SOX6: variants seen among roughly 807,000 people sequenced by gnomAD.
The protein encoded by SOX6 is transcription factor SOX-6.
SOX6 carries 11 observed loss-of-function variants against 97.8 expected under a neutral mutation model. The observed-to-expected ratio is 0.11, with a 90% CI of 0.07 to 0.19. SOX6 has a LOEUF of 0.19. SOX6 is among the 10% of genes least tolerant of loss of function. SOX6 has a pLI of 1.00. For missense variants in SOX6, 810 were observed against 1,039.5 expected (o/e 0.78, Z 3.04); for synonymous variants, 360 against 371.4 (o/e 0.97, Z 0.35).
chr11:16,065,336 A>G (rs1426489900), intron 9 of SOX6, among the ~76,000 whole-genome samples: 1 of 152,102 alleles, frequency 6.6e-6, no homozygotes, highest in Non-Finnish European at 1.5e-5. Context: ...GGAAAACTAT[A>G]AAATACTGAT....
Position 16,097,612 on chromosome 11 carries a change from G to A in SOX6, c.975C>T (p.Leu325=). Residue 325 remains leucine (L), a synonymous_variant, in exon 8 of 16, where the codon CTC becomes CTT. Transcript: ENST00000683767. ...AAASGLSPLQ[L]QKGHVSHPQI... is the part of the protein sequence containing the mutation. ...ATTTTTTTCTTCTGGCACTTACCTG[G>A]AGCTGTAAAGGGCTGAGTCCAGAAG... The A allele has an allele frequency of 1.2e-6, 2 of 1,610,906 alleles. No individual in the cohort carries two copies. Among genetic ancestry groups the A allele is most frequent in the African/African-American group, 1.3e-5 (1 of 74,816 alleles).
intron 1 of SOX6, among the ~76,000 whole-genome samples, chr11:16,344,176 T>C (rs566882860): frequency 2.3e-4 from 35 of 152,102 alleles, no homozygotes; most frequent in African/African-American, 7.7e-4. Flanking sequence ...AGCAAGGTAT[T>C]TCCTTGAGCA....
intron 3 of SOX6, among the ~76,000 whole-genome samples, chr11:16,285,590 G>A (rs1854711537): frequency 6.6e-6 from 1 of 152,022 alleles, no homozygotes; most frequent in Non-Finnish European, 1.5e-5. Context: ...AATTTTAAAT[G>A]TCAGGGTGTT....
intron 9 of SOX6, among the ~76,000 whole-genome samples, chr11:16,074,624 G>A (rs1848307037): frequency 6.6e-6 from 1 of 152,016 alleles, no homozygotes; most frequent in African/African-American, 2.4e-5. Flanking sequence ...GCCACAAAAT[G>A]AATTAAATAC....
intron 3 of SOX6, among the ~76,000 whole-genome samples, chr11:16,309,513 G>A (rs1855535526): frequency 6.6e-6 from 1 of 152,032 alleles, no homozygotes; most frequent in Non-Finnish European, 1.5e-5. Context: ...AAAAAAGGCA[G>A]ATAATGATTA....
At chr11:15,984,683 G>A (rs191710371) in intron 15 of SOX6, among the ~76,000 whole-genome samples, 85 of 152,144 alleles carry the variant, frequency 5.6e-4, no homozygotes, top group African/African-American at 2.0e-3. Flanking sequence ...ATCCTATTTT[G>A]TCATGTCTTC....
At chr11:16,227,747 A>T (rs1396275271) in intron 4 of SOX6, among the ~76,000 whole-genome samples, 1 of 152,220 alleles carries the variant, frequency 6.6e-6, no homozygotes. Flanking sequence ...CAGAAAACAC[A>T]TATTATCCTC....
rs986564816 is a variant in SOX6 at position 16,217,315 on chromosome 11, G to A, written c.535+17267C>T. The stretch of plus-strand genomic sequence containing the variant: ...ACAGCTACGTGTTTGAACAGTAGAG[G>A]TGGTTTTACTAACTTGAGTAAAAAT... On this transcript the variant is annotated intron_variant, in intron 4 of 15. Transcript: ENST00000683767. Among the ~76,000 whole-genome samples, 5 of 152,112 alleles carry A rather than the reference G, an allele frequency of 3.3e-5. No homozygotes were observed. In the East Asian group the frequency reaches 9.7e-4, roughly 29 times the overall value.
At chr11:16,143,316 C>T (rs555571889) in intron 6 of SOX6, among the ~76,000 whole-genome samples, 14,795 of 152,178 alleles carry the variant, frequency 0.097, 966 homozygotes, top group Non-Finnish European at 0.15. Context: ...GATTTTGTCA[C>T]CACCAGGCCT....
chr11:16,577,040 C>G (rs1847991223), intron 4 of SOX6: 1 of 152,028 alleles, frequency 6.6e-6, no homozygotes, highest in South Asian at 2.1e-4. Context: ...TAAACCGGCC[C>G]AGGTTGGAAA....
chr11:16,104,215 G>A (rs1849018418), intron 7 of SOX6, among the ~76,000 whole-genome samples: 2 of 151,892 alleles, frequency 1.3e-5, no homozygotes, highest in African/African-American at 4.8e-5. Context: ...TTGATTCTGA[G>A]TAGATATATT....
At chr11:16,719,194 C>T (rs1277053720) in intron 2 of SOX6, among the ~76,000 whole-genome samples, 1 of 151,976 alleles carries the variant, frequency 6.6e-6, no homozygotes, top group Non-Finnish European at 1.5e-5. Context: ...AAGTTAAAAC[C>T]GATTCATTAC....
At chr11:16,523,543 A>C (rs1191598487) in intron 4 of SOX6, among the ~76,000 whole-genome samples, 2 of 152,110 alleles carry the variant, frequency 1.3e-5, no homozygotes, top group South Asian at 4.2e-4. Flanking sequence ...AAGATCTAAA[A>C]TTGACACCCT....
intron 6 of SOX6, among the ~76,000 whole-genome samples, chr11:16,118,859 T>C (rs1191092863): frequency 1.3e-5 from 2 of 152,210 alleles, no homozygotes; most frequent in Non-Finnish European, 2.9e-5. Flanking sequence ...GGTTTTTAAA[T>C]ACTTTATCTC....
intron 3 of SOX6, among the ~76,000 whole-genome samples, chr11:16,237,743 A>C (rs544271079): frequency 6.6e-6 from 1 of 152,198 alleles, no homozygotes; most frequent in Non-Finnish European, 1.5e-5. Flanking sequence ...AATATATTTT[A>C]CAAATTAATT....
chr11:16,149,622 C>T (rs565269895), intron 6 of SOX6, among the ~76,000 whole-genome samples: 1 of 152,142 alleles, frequency 6.6e-6, no homozygotes, highest in Non-Finnish European at 1.5e-5. Context: ...AGGGAAAACA[C>T]TTCTTTGGTT....
At chr11:16,643,135 C>T (rs944260414) in intron 3 of SOX6, among the ~76,000 whole-genome samples, 1 of 152,198 alleles carries the variant, frequency 6.6e-6, no homozygotes, top group Non-Finnish European at 1.5e-5. Context: ...TTCTAACAGT[C>T]AGGATCCTCA....
intron 4 of SOX6, among the ~76,000 whole-genome samples, chr11:16,561,638 T>C (rs1324330277): frequency 6.6e-6 from 1 of 152,188 alleles, no homozygotes; most frequent in Non-Finnish European, 1.5e-5. Context: ...TTATAGTTTA[T>C]GGCAGGAGTT....
chr11:16,156,671 T>A (rs1052308255), intron 6 of SOX6, among the ~76,000 whole-genome samples: 1 of 151,948 alleles, frequency 6.6e-6, no homozygotes, highest in African/African-American at 2.4e-5. Context: ...TTCTACTCCA[T>A]CTTTACTGGC....
Sources: gnomAD v4.1 joint callset for allele counts (sites outside exome capture counted in the v4.1 genomes callset) on GRCh38, gnomAD v4.1.1 for gene constraint, MANE v1.5 for transcripts, NCBI Gene and HGNC (gene_info 2026-07-23, HGNC 2026-07-21) for gene names.